Variants in PAX7 observed in about 807,000 individuals in gnomAD.
The protein encoded by PAX7 is paired box protein Pax-7.
Under a neutral mutation model 50.7 loss-of-function variants are expected in PAX7, and 18 were observed. The ratio of observed to expected loss-of-function variants is 0.36; its 90% confidence interval spans 0.25 to 0.53. The LOEUF is 0.53. Ranked by LOEUF, PAX7 falls within the 20% of genes least tolerant of loss-of-function variation. The pLI is 0.93. For missense variants in PAX7, 644 were observed against 702.9 expected (o/e 0.92, Z 0.95); for synonymous variants, 310 against 290.4 (o/e 1.07, Z -0.69).
At chr1:18,742,123 G>A (rs150914858) in intron 8 of PAX7, among the ~76,000 whole-genome samples, 11 of 148,962 alleles carry the variant, frequency 7.4e-5, no homozygotes, top group East Asian at 2.0e-4. Context: ...TTTCTATTCC[G>A]ACTGTCCCTC....
chr1:18,708,556 A>AAATT (rs576689771), intron 7 of PAX7, among the ~76,000 whole-genome samples: 3 of 152,112 alleles, frequency 2.0e-5, no homozygotes, highest in Non-Finnish European at 4.4e-5. Context: ...CCCTGTCTCA[A>AAATT]AATTAATTAA....
intron 4 of PAX7, among the ~76,000 whole-genome samples, chr1:18,673,564 G>A (rs1207632681): frequency 1.3e-5 from 2 of 152,152 alleles, no homozygotes; most frequent in African/African-American, 2.4e-5. Context: ...TGGGCTCAGA[G>A]CAATAATTGT....
At chr1:18,711,862 C>T (rs1315071748) in intron 7 of PAX7, among the ~76,000 whole-genome samples, 1 of 152,150 alleles carries the variant, frequency 6.6e-6, no homozygotes, top group African/African-American at 2.4e-5. Context: ...GACCTGAAGC[C>T]GAATGACATT....
intron 7 of PAX7, among the ~76,000 whole-genome samples, chr1:18,731,236 G>A (rs2236805): frequency 0.33 from 49,522 of 152,086 alleles, 8,743 homozygotes; most frequent in Middle Eastern, 0.49. Flanking sequence ...CTAACTGTGG[G>A]CCAATGCTTC....
chr1:18,735,534 CAA>C lies in PAX7; in HGVS notation c.1156-96_1156-95del. 6.5e-7 allele frequency: 1 copy of C among 1,527,724 alleles called. No individual in the cohort carries two copies. The highest frequency in any genetic ancestry group is 1.4e-5 in the African/African-American group (1 of 72,520). The allele number at this position is 1,527,724 out of a possible 1,614,324, so 94.6% of individuals were successfully genotyped here. A position where few individuals can be genotyped will look rare whatever the true frequency, so the allele number is the denominator to read the frequency against. ...AGAGACTTCAAGGGAACAACTCTGG[CAA>C]AGAGTGTTCCAGGGCCAGCCTGGCA... On this transcript the variant is annotated intron_variant, in intron 7 of 8. Transcript: ENST00000420770. The surrounding 1 kb of genome is among the most constrained non-coding windows in gnomAD (Gnocchi z 4.0).
intron 4 of PAX7, among the ~76,000 whole-genome samples, chr1:18,676,997 C>G (rs1475406419): frequency 6.6e-6 from 1 of 152,208 alleles, no homozygotes; most frequent in Non-Finnish European, 1.5e-5. Flanking sequence ...CCCAAGCCCC[C>G]TCGTCTTTAC....
intron 8 of PAX7, among the ~76,000 whole-genome samples, chr1:18,742,032 G>A (rs1382940475): frequency 6.6e-6 from 1 of 151,670 alleles, no homozygotes; most frequent in Non-Finnish European, 1.5e-5. Context: ...GTTGTTGTAA[G>A]AATTAAATGG....
intron 8 of PAX7, among the ~76,000 whole-genome samples, chr1:18,737,015 C>A (rs929699790): frequency 2.6e-5 from 4 of 152,242 alleles, no homozygotes; most frequent in Non-Finnish European, 1.5e-5. Context: ...TCTCATGCAC[C>A]CATCCCAGCT....
intron 4 of PAX7, among the ~76,000 whole-genome samples, chr1:18,671,821 T>A (rs201966430): frequency 6.8e-6 from 1 of 148,060 alleles, no homozygotes; most frequent in African/African-American, 2.5e-5. Context: ...AAAAAAAAAT[T>A]AAAAAATGAG....
intron 7 of PAX7, among the ~76,000 whole-genome samples, chr1:18,724,947 A>G (rs1476601157): frequency 6.6e-6 from 1 of 152,184 alleles, no homozygotes; most frequent in Non-Finnish European, 1.5e-5. Flanking sequence ...GTGAAAATGC[A>G]TGTCTTCGAC....
rs139799155 is a variant in PAX7, at chr1:18,722,372, G to A, written c.1156-13260G>A. ...ACTATCTCCTCCCGCATCTCTTAGG[G>A]CCTGGGGACTGAAACGAGACAACAT... On this transcript the variant is annotated intron_variant, in intron 7 of 8. Transcript: ENST00000420770. Among the ~76,000 whole-genome samples the A allele has an allele frequency of 3.3e-5, 5 of 152,240 alleles. No individual in the cohort carries two copies. The East Asian group carries it at 9.6e-4, about 29-fold the overall frequency.
chr1:18,679,123 C>T (rs760525071), intron 4 of PAX7, among the ~76,000 whole-genome samples: 1 of 152,228 alleles, frequency 6.6e-6, no homozygotes, highest in Non-Finnish European at 1.5e-5. Context: ...GGCCTTCACA[C>T]CCAGCCCCAC....
chr1:18,725,995 C>CGCGCGCGCGTGCGCGCGTGTGTGTGTGT lies in PAX7; in HGVS notation c.1156-9628_1156-9627insTGCGCGCGTGTGTGTGTGTGCGCGCGCG. The stretch of plus-strand genomic sequence containing the variant: ...CATTGGAAGAGTGTGTGTGTGTGTG[C>CGCGCGCGCGTGCGCGCGTGTGTGTGTGT]GCGCGCGCGCGTGCGCGCGTGTGTG... On this transcript the variant is annotated intron_variant, in intron 7 of 8. Transcript: ENST00000420770. Among the ~76,000 whole-genome samples, 3 of 138,700 alleles carry CGCGCGCGCGTGCGCGCGTGTGTGTGTGT rather than the reference C, an allele frequency of 2.2e-5. 1 individual carries two copies. The highest frequency in any genetic ancestry group is 4.7e-5 in the Non-Finnish European group (3 of 63,596). The allele number at this position is 138,700 out of a possible 152,430, so 91.0% of individuals were successfully genotyped here.
intron 3 of PAX7, among the ~76,000 whole-genome samples, chr1:18,635,493 A>AGAAGGAAGGAAGGTAGGAAGGAAGGAAG (rs1443182325): frequency 7.3e-5 from 5 of 68,826 alleles, no homozygotes; most frequent in African/African-American, 2.2e-4. Flanking sequence ...AAAGGGAGGA[A>AGAAGGAAGGAAGGTAGGAAGGAAGGAAG]GAAGGAAGGA....
chr1:18,719,393 G>C (rs958371041), intron 7 of PAX7, among the ~76,000 whole-genome samples: 1 of 152,250 alleles, frequency 6.6e-6, no homozygotes, highest in African/African-American at 2.4e-5. Flanking sequence ...ATCCTGCTGC[G>C]TGAGGGCTGG....
intron 4 of PAX7, among the ~76,000 whole-genome samples, chr1:18,687,482 C>T (rs1187081481): frequency 1.3e-5 from 2 of 152,186 alleles, no homozygotes; most frequent in Non-Finnish European, 2.9e-5. Context: ...GTCCTCCATC[C>T]AAGTGACTGA....
Position 18,745,009 on chromosome 1 carries a change from AC to A in PAX7, c.*86del, listed in dbSNP as rs371247402. ...CTGAGCTTCCCAGCCTTGCCGCCTC[AC>A]CCCCCTGTTGTCCTAGGAGGCCAGG... On this transcript the variant is annotated 3_prime_UTR_variant, in exon 9 of 9. Coordinates refer to ENST00000420770, the MANE Select transcript of PAX7 (RefSeq NM_001135254.2). 2.8e-4 allele frequency: 227 copies of A among 812,926 alleles called. 2 individuals are homozygous for A. In the African/African-American group the frequency reaches 3.4e-3, roughly 12 times the overall value. The allele number at this position is 812,926 out of a possible 1,614,324, so 50.4% of individuals were successfully genotyped here.
chr1:18,669,201 G>C (rs11261048), intron 4 of PAX7, among the ~76,000 whole-genome samples: 16,856 of 152,214 alleles, frequency 0.11, 2,485 homozygotes, highest in African/African-American at 0.34. Flanking sequence ...CAGAGAGGCA[G>C]AGTGAGCAGC....
chr1:18,709,858 C>T (rs1418884687), intron 7 of PAX7, among the ~76,000 whole-genome samples: 1 of 152,190 alleles, frequency 6.6e-6, no homozygotes, highest in Non-Finnish European at 1.5e-5. Context: ...AGCTGAGGTC[C>T]TAAGTCATAG....
Sources: gnomAD v4.1 joint callset for allele counts (sites outside exome capture counted in the v4.1 genomes callset) on GRCh38, gnomAD v4.1.1 for gene constraint, Gnocchi (gnomAD v3.1) non-coding constraint, MANE v1.5 for transcripts, NCBI Gene and HGNC (gene_info 2026-07-23, HGNC 2026-07-21) for gene names.